Variants in CSNK1G1 observed in about 807,000 individuals in gnomAD.
CSNK1G1 encodes casein kinase I isoform gamma-1.
A neutral mutation model predicts 59.6 loss-of-function variants in CSNK1G1; 22 were observed. The ratio of observed to expected loss-of-function variants is 0.37; its 90% CI spans 0.26 to 0.53. CSNK1G1 has a LOEUF of 0.53. CSNK1G1 is among the 20% of genes least tolerant of loss of function. The probability of loss-of-function intolerance (pLI) is 0.89; values close to 1 mark genes in which losing one functional copy is unlikely to be tolerated. For missense variants in CSNK1G1, 384 were observed against 519.5 expected (o/e 0.74, Z 2.54); for synonymous variants, 179 against 177.1 (o/e 1.01, Z -0.08).
chr15:64,272,606 G>T (rs1235518867), intron 2 of CSNK1G1, among the ~76,000 whole-genome samples: 2 of 152,168 alleles, frequency 1.3e-5, no homozygotes, highest in Admixed American at 6.6e-5. Context: ...ACAATGTGTT[G>T]TTAGCTGGTT....
At chr15:64,336,056 T>C (rs1307877514) in intron 1 of CSNK1G1, among the ~76,000 whole-genome samples, 1 of 152,174 alleles carries the variant, frequency 6.6e-6, no homozygotes, top group African/African-American at 2.4e-5. Context: ...CATCTATCGA[T>C]TTATGTGGCT....
At chr15:64,198,793 ACCAAAGGTTGAACAGACACTAGAAAT>A (rs1289538789) in intron 10 of CSNK1G1, among the ~76,000 whole-genome samples, 1 of 151,966 alleles carries the variant, frequency 6.6e-6, no homozygotes, top group Non-Finnish European at 1.5e-5. Flanking sequence ...ATTAACATAG[ACCAAAGGTTGAACAGACACTAGAAAT>A]CCATTACCCA....
At chr15:64,227,621 T>C (rs1239762458) in intron 4 of CSNK1G1, among the ~76,000 whole-genome samples, 2 of 152,206 alleles carry the variant, frequency 1.3e-5, no homozygotes, top group Non-Finnish European at 2.9e-5. Flanking sequence ...TATAAACAAA[T>C]TCTTTATTTT....
At chr15:64,191,311 C>T (rs900924999) in intron 10 of CSNK1G1, among the ~76,000 whole-genome samples, 4 of 152,236 alleles carry the variant, frequency 2.6e-5, no homozygotes, top group South Asian at 4.1e-4. Context: ...CTGCCCGCCT[C>T]GGCCTCCCAA....
intron 1 of CSNK1G1, among the ~76,000 whole-genome samples, chr15:64,352,447 C>CTTCTTTTTTTTTTTTTTT (rs1566958699): frequency 1.1e-5 from 1 of 89,412 alleles, no homozygotes; most frequent in Non-Finnish European, 2.0e-5. Flanking sequence ...TTGAATTCTT[C>CTTCTTTTTTTTTTTTTTT]TTTTTTTTTT....
intron 9 of CSNK1G1, 29 bp downstream of exon 9, chr15:64,204,412 T>TAAAAA: frequency 7.2e-7 from 1 of 1,397,426 alleles, no homozygotes. Flanking sequence ...GTAATGAGGT[T>TAAAAA]AAAAAAAAAA....
At chr15:64,192,040 T>C (rs762924825) in intron 10 of CSNK1G1, among the ~76,000 whole-genome samples, 7 of 152,164 alleles carry the variant, frequency 4.6e-5, no homozygotes, top group Non-Finnish European at 1.0e-4. Context: ...CTAGTGTAAC[T>C]CTCCAAGAAA....
chr15:64,223,909 C>T (rs999051415), intron 4 of CSNK1G1, among the ~76,000 whole-genome samples: 1 of 152,134 alleles, frequency 6.6e-6, no homozygotes, highest in Non-Finnish European at 1.5e-5. Flanking sequence ...TACACCAATT[C>T]AAGGAAAATG....
At chr15:64,231,105 T>C (rs142524324) in intron 4 of CSNK1G1, among the ~76,000 whole-genome samples, 1,887 of 151,790 alleles carry the variant, frequency 0.012, 30 homozygotes, top group African/African-American at 0.044. Context: ...GGCAGGAGGA[T>C]TGCTTGAGGC....
intron 4 of CSNK1G1, among the ~76,000 whole-genome samples, chr15:64,235,024 C>T (rs1036897572): frequency 2.0e-5 from 3 of 152,002 alleles, no homozygotes; most frequent in Non-Finnish European, 2.9e-5. Context: ...TACTGGTAGA[C>T]GCAAGCTGAG....
intron 4 of CSNK1G1, among the ~76,000 whole-genome samples, chr15:64,234,204 AC>A (rs576799094): frequency 2.2e-4 from 34 of 151,844 alleles, no homozygotes; most frequent in Admixed American, 4.6e-4. Flanking sequence ...ATTTTCAAAC[AC>A]CCCCCTCACC....
At chr15:64,209,140 T>C (rs1287613443) in intron 6 of CSNK1G1, among the ~76,000 whole-genome samples, 1 of 152,192 alleles carries the variant, frequency 6.6e-6, no homozygotes, top group Non-Finnish European at 1.5e-5. Context: ...TCAACCAGCC[T>C]TGGCCTCCCA....
intron 1 of CSNK1G1, among the ~76,000 whole-genome samples, chr15:64,334,185 T>G (rs1353844041): frequency 6.6e-6 from 1 of 152,110 alleles, no homozygotes; most frequent in Non-Finnish European, 1.5e-5. Flanking sequence ...CCCAGCTAAT[T>G]TTTTTGTATT....
chr15:64,300,401 C>T lies in CSNK1G1; in HGVS notation c.99G>A (p.Ser33=), dbSNP rs780181390. The change falls in exon 2 of 12, where the codon TCG becomes TCA. Residue 33 remains serine (S), a synonymous_variant. Coordinates refer to ENST00000303052, the MANE Select transcript of CSNK1G1 (RefSeq NM_022048.5). ...GTCCCACCATAAGAACCCCAGAGGA[C>T]GATGAGGAGCCAGATGGTCGAGAGC... The part of the protein sequence containing the change: ...AHCSRPSGSS[S]SSGVLMVGPN... 1.8e-5 allele frequency: 29 copies of T among 1,614,026 alleles called. No homozygotes were observed. Among genetic ancestry groups the T allele is most frequent in the Non-Finnish European group, 2.3e-5 (27 of 1,180,022 alleles).
intron 10 of CSNK1G1, chr15:64,189,571 G>A (rs2081942361): frequency 1.3e-6 from 1 of 751,804 alleles, no homozygotes; most frequent in Non-Finnish European, 1.7e-6. Context: ...CAGCTGCAGG[G>A]GTTAGGATGT....
chr15:64,201,732 G>GTA lies in CSNK1G1; in HGVS notation c.1107+1349_1107+1350insTA, dbSNP rs1242851688. Reference sequence around the variant, plus strand: ...TGTGTGTGTGTGTGTGTGTGTGTGTGTGTGTGTGTGTGTGTGTGTTTATAT... The same window carrying GTA: ...TGTGTGTGTGTGTGTGTGTGTGTGTGTATGTGTGTGTGTGTGTGTGTTTATAT... On this transcript the variant is annotated intron_variant, in intron 10 of 11. Coordinates refer to ENST00000303052, the MANE Select transcript of CSNK1G1 (RefSeq NM_022048.5). Among the ~76,000 whole-genome samples the GTA allele has an allele frequency of 2.9e-3, 435 of 151,412 alleles. 3 individuals are homozygous for GTA. The highest frequency in any genetic ancestry group is 0.01 in the African/African-American group (414 of 41,096).
chr15:64,239,372 T>C (rs994695571), intron 4 of CSNK1G1, among the ~76,000 whole-genome samples: 1 of 152,136 alleles, frequency 6.6e-6, no homozygotes, highest in Admixed American at 6.5e-5. Flanking sequence ...ATGTTTTTTT[T>C]CTTTGTTTTT....
chr15:64,171,888 G>A lies in CSNK1G1; in HGVS notation c.*43C>T, dbSNP rs780406326. On this transcript the variant is annotated 3_prime_UTR_variant, in exon 12 of 12. Transcript: ENST00000303052. The surrounding 1 kb of genome is among the most constrained non-coding windows in gnomAD (Gnocchi z 4.8). ...AATGGCAGGAGCTGCAGGTACAATTGAGTCAGAGTCCCCAGGGCCTGAGGA... is the reference window on the plus strand; with the variant it reads ...AATGGCAGGAGCTGCAGGTACAATTAAGTCAGAGTCCCCAGGGCCTGAGGA... The A allele has an allele frequency of 1.3e-6, 2 of 1,522,178 alleles. No homozygotes were observed. The highest frequency in any genetic ancestry group is 2.2e-5 in the South Asian group (2 of 89,256). 94.3% of individuals were successfully genotyped at this position (1,522,178 alleles called of 1,614,324 possible).
chr15:64,182,513 T>C (rs1337593575), intron 10 of CSNK1G1, among the ~76,000 whole-genome samples: 1 of 152,206 alleles, frequency 6.6e-6, no homozygotes, highest in Non-Finnish European at 1.5e-5. Flanking sequence ...TGAACCTTGA[T>C]TAAATCCTGG....
Sources: gnomAD v4.1 joint callset for allele counts (sites outside exome capture counted in the v4.1 genomes callset) on GRCh38, gnomAD v4.1.1 for gene constraint, Gnocchi (gnomAD v3.1) non-coding constraint, MANE v1.5 for transcripts, NCBI Gene and HGNC (gene_info 2026-07-23, HGNC 2026-07-21) for gene names.